EXOC6B: variants seen among roughly 807,000 people sequenced by gnomAD.
The protein encoded by EXOC6B is exocyst complex component 6B.
Under a neutral mutation model 113.5 loss-of-function variants are expected in EXOC6B, and 54 were observed. The ratio of observed to expected loss-of-function variants is 0.48; its 90% CI spans 0.38 to 0.60. EXOC6B has a LOEUF of 0.60. EXOC6B is among the 20% of genes least tolerant of loss of function. EXOC6B has a pLI of 0.00. For synonymous variants in EXOC6B, 357 were observed against 339.0 expected (o/e 1.05, Z -0.58); for missense variants, 797 against 977.5 (o/e 0.82, Z 2.46).
At chr2:72,627,693 C>A (rs903886398) in intron 6 of EXOC6B, among the ~76,000 whole-genome samples, 2 of 152,178 alleles carry the variant, frequency 1.3e-5, no homozygotes, top group African/African-American at 4.8e-5. Context: ...TCCATGCAAT[C>A]TCTCTTTTTG....
At chr2:72,247,685 T>C (rs1023555636) in intron 20 of EXOC6B, among the ~76,000 whole-genome samples, 2 of 152,220 alleles carry the variant, frequency 1.3e-5, no homozygotes, top group African/African-American at 4.8e-5. Context: ...CCCAGCTCCT[T>C]TTCTACAGCT....
At chr2:72,257,231 C>T (rs1358951088) in intron 20 of EXOC6B, among the ~76,000 whole-genome samples, 1 of 152,100 alleles carries the variant, frequency 6.6e-6, no homozygotes. Flanking sequence ...AAAATCTTTT[C>T]CATCTTTTAG....
chr2:72,343,108 T>A (rs1259804783), intron 19 of EXOC6B, among the ~76,000 whole-genome samples: 1 of 152,216 alleles, frequency 6.6e-6, no homozygotes, highest in Non-Finnish European at 1.5e-5. Context: ...ATAATTTTTC[T>A]AATGTATTCT....
At chr2:72,400,293 A>G (rs1693052864) in intron 18 of EXOC6B, among the ~76,000 whole-genome samples, 1 of 152,182 alleles carries the variant, frequency 6.6e-6, no homozygotes, top group Admixed American at 6.5e-5. Flanking sequence ...AAGATGGATT[A>G]AAGACCTAAA....
At chr2:72,446,759 C>T (rs1185252990) in intron 18 of EXOC6B, among the ~76,000 whole-genome samples, 1 of 152,098 alleles carries the variant, frequency 6.6e-6, no homozygotes, top group Non-Finnish European at 1.5e-5. Flanking sequence ...GCACATATAC[C>T]CCCAAACTTA....
chr2:72,614,477 A>G (rs1399187005), intron 6 of EXOC6B, among the ~76,000 whole-genome samples: 16 of 152,162 alleles, frequency 1.1e-4, no homozygotes, highest in Admixed American at 8.5e-4. Context: ...TCAAGTAATC[A>G]GTGGTCCCCA....
intron 20 of EXOC6B, among the ~76,000 whole-genome samples, chr2:72,306,107 G>T (rs1394382118): frequency 6.6e-6 from 1 of 152,018 alleles, no homozygotes; most frequent in Non-Finnish European, 1.5e-5. Flanking sequence ...GGCTGACACA[G>T]TAAGGGATCT....
chr2:72,198,197 T>A (rs755575626), intron 20 of EXOC6B, among the ~76,000 whole-genome samples: 2 of 152,214 alleles, frequency 1.3e-5, no homozygotes, highest in East Asian at 3.9e-4. Context: ...TTGTCAAGCC[T>A]GCTTAGAACA....
chr2:72,315,934 T>C (rs1687488560), intron 20 of EXOC6B, among the ~76,000 whole-genome samples: 1 of 152,206 alleles, frequency 6.6e-6, no homozygotes, highest in Admixed American at 6.5e-5. Context: ...TTTCAACACA[T>C]TAATCAGTCT....
At chr2:72,362,221 A>G (rs1690358397) in intron 19 of EXOC6B, among the ~76,000 whole-genome samples, 1 of 152,178 alleles carries the variant, frequency 6.6e-6, no homozygotes, top group African/African-American at 2.4e-5. Context: ...ACTGTGAAAA[A>G]GATTCATGGA....
chr2:72,692,243 TATG>T (rs1366602250), intron 6 of EXOC6B, among the ~76,000 whole-genome samples: 2 of 152,180 alleles, frequency 1.3e-5, no homozygotes, highest in Admixed American at 6.6e-5. Flanking sequence ...TGATTACTGA[TATG>T]ATTACTATAT....
chr2:72,824,337 G>T (rs985301439), intron 1 of EXOC6B, among the ~76,000 whole-genome samples: 2 of 152,280 alleles, frequency 1.3e-5, no homozygotes, highest in Admixed American at 1.3e-4. Context: ...AGTGAGCTAC[G>T]ATCACATCAC....
chr2:72,663,290 G>A (rs1675154036), intron 6 of EXOC6B, among the ~76,000 whole-genome samples: 1 of 152,134 alleles, frequency 6.6e-6, no homozygotes, highest in South Asian at 2.1e-4. Context: ...GTGTACATAT[G>A]TATAATATAT....
In EXOC6B at chr2:72,810,852, A is replaced by AAGACC. The variant is rs1329327852; in HGVS notation, c.113+14941_113+14945dup. Among the ~76,000 whole-genome samples, 3 of 152,108 alleles carry AAGACC rather than the reference A, an allele frequency of 2.0e-5. No homozygotes were observed. The East Asian group carries it at 5.8e-4, about 29-fold the overall frequency. ...GCAGATCACTTGAGTCCAGGAGTTC[A>AAGACC]AGACCAGGCTGGGTGACATGGCAAA... is the stretch of plus-strand genomic sequence containing the variant. On this transcript the variant is annotated intron_variant, in intron 1 of 21. Coordinates refer to ENST00000272427, the MANE Select transcript of EXOC6B (RefSeq NM_015189.3).
At chr2:72,299,066 T>C (rs1352029067) in intron 20 of EXOC6B, among the ~76,000 whole-genome samples, 2 of 152,090 alleles carry the variant, frequency 1.3e-5, no homozygotes, top group African/African-American at 4.8e-5. Flanking sequence ...CTGGATAATA[T>C]CCTGAAGAGT....
intron 6 of EXOC6B, among the ~76,000 whole-genome samples, chr2:72,646,541 G>A (rs547452765): frequency 1.4e-4 from 22 of 152,176 alleles, no homozygotes; most frequent in South Asian, 1.2e-3. Context: ...ACATCGATGC[G>A]AAAATCCTCA....
chr2:72,235,958 T>C (rs1681934489), intron 20 of EXOC6B, among the ~76,000 whole-genome samples: 2 of 152,208 alleles, frequency 1.3e-5, no homozygotes, highest in African/African-American at 4.8e-5. Flanking sequence ...AATAGCCATA[T>C]AGAAGTGCTT....
chr2:72,260,396 C>T (rs189809028), intron 20 of EXOC6B, among the ~76,000 whole-genome samples: 77 of 152,244 alleles, frequency 5.1e-4, no homozygotes, highest in Admixed American at 1.4e-3. Flanking sequence ...TAACAGAAGT[C>T]GTATCCAGTT....
At chr2:72,184,277 C>A in intron 20 of EXOC6B, 90 bp from the exon 21 acceptor site, 2 of 620,838 alleles carry the variant, frequency 3.2e-6, no homozygotes, top group Non-Finnish European at 2.9e-6. Context: ...TCACTACCAG[C>A]TAATAAATTG....
Sources: gnomAD v4.1 joint callset for allele counts (sites outside exome capture counted in the v4.1 genomes callset) on GRCh38, gnomAD v4.1.1 for gene constraint, MANE v1.5 for transcripts, NCBI Gene and HGNC (gene_info 2026-07-23, HGNC 2026-07-21) for gene names.